Variants in ROBO1 observed in about 807,000 individuals in gnomAD.
The protein encoded by ROBO1 is roundabout guidance receptor 1, also known as roundabout homolog 1.
Under a neutral mutation model 195.9 loss-of-function variants are expected in ROBO1, and 149 were observed. That is an observed-to-expected ratio of 0.76 (90% confidence interval 0.67 to 0.87). ROBO1 has a LOEUF of 0.87. ROBO1 is among the 40% of genes least tolerant of loss of function. ROBO1 has a pLI of 0.00. For synonymous variants in ROBO1, 816 were observed against 733.2 expected (o/e 1.11, Z -1.82); for missense variants, 1,933 against 2,068.3 (o/e 0.93, Z 1.27).
chr3:78,931,823 A>C (rs2107650665), intron 4 of ROBO1, among the ~76,000 whole-genome samples: 1 of 152,114 alleles, frequency 6.6e-6, no homozygotes. Context: ...AACAAAACAA[A>C]ACAAATAGCC....
chr3:78,617,398 G>GT, intron 27 of ROBO1, among the ~76,000 whole-genome samples: 1 of 151,330 alleles, frequency 6.6e-6, no homozygotes, highest in Non-Finnish European at 1.5e-5. Flanking sequence ...CTCATATTAT[G>GT]TAAGATTTAT....
intron 3 of ROBO1, among the ~76,000 whole-genome samples, chr3:78,968,874 T>G (rs1560063150): frequency 6.6e-6 from 1 of 152,172 alleles, no homozygotes; most frequent in Non-Finnish European, 1.5e-5. Flanking sequence ...CAGGCACAAA[T>G]AGGCACCAGT....
chr3:78,694,411 A>C (rs759513067), intron 8 of ROBO1, among the ~76,000 whole-genome samples: 36 of 152,210 alleles, frequency 2.4e-4, no homozygotes, highest in Non-Finnish European at 3.8e-4. Flanking sequence ...TGGTACAGTT[A>C]TAAAGCAAAG....
intron 2 of ROBO1, among the ~76,000 whole-genome samples, chr3:79,323,912 AG>A (rs2034096662): frequency 6.6e-6 from 1 of 152,204 alleles, no homozygotes; most frequent in Non-Finnish European, 1.5e-5. Context: ...TTATTGCTTT[AG>A]TAAATCCTAA....
intron 17 of ROBO1, among the ~76,000 whole-genome samples, chr3:78,657,952 G>C (rs1575857093): frequency 6.6e-6 from 1 of 152,334 alleles, no homozygotes; most frequent in East Asian, 1.9e-4. Flanking sequence ...TTATCAATGA[G>C]AGACAATTTG....
chr3:78,947,919 C>A (rs1189366648), intron 3 of ROBO1, among the ~76,000 whole-genome samples: 1 of 152,120 alleles, frequency 6.6e-6, no homozygotes, highest in Non-Finnish European at 1.5e-5. Flanking sequence ...ACTAGAAAAT[C>A]TAGAAGAAAT....
intron 1 of ROBO1, among the ~76,000 whole-genome samples, chr3:79,713,419 G>A (rs1474061541): frequency 6.6e-6 from 1 of 152,054 alleles, no homozygotes; most frequent in Non-Finnish European, 1.5e-5. Context: ...TTAATTCATG[G>A]GAGAAGGTCA....
chr3:79,300,405 G>A (rs868581248), intron 2 of ROBO1, among the ~76,000 whole-genome samples: 67 of 152,298 alleles, frequency 4.4e-4, no homozygotes, highest in Admixed American at 1.8e-3. Context: ...CAGCAGTGCC[G>A]GCCCACCGGC....
intron 3 of ROBO1, among the ~76,000 whole-genome samples, chr3:78,958,685 T>C (rs1341892636): frequency 6.6e-6 from 1 of 152,146 alleles, no homozygotes; most frequent in African/African-American, 2.4e-5. Flanking sequence ...ACAGGAATCT[T>C]ATCCTACGTT....
chr3:78,765,706 C>G (rs77885329), intron 4 of ROBO1, among the ~76,000 whole-genome samples: 1 of 152,262 alleles, frequency 6.6e-6, no homozygotes, highest in African/African-American at 2.4e-5. Flanking sequence ...GCAAAGGGAT[C>G]CAGTCTCATT....
intron 1 of ROBO1, among the ~76,000 whole-genome samples, chr3:79,761,863 T>A (rs1034776038): frequency 6.6e-6 from 1 of 152,324 alleles, no homozygotes; most frequent in Non-Finnish European, 1.5e-5. Flanking sequence ...GCAATTGTTG[T>A]GATAAACTCC....
intron 28 of ROBO1, chr3:78,607,258 G>A: frequency 1.9e-6 from 1 of 533,768 alleles, no homozygotes; most frequent in Non-Finnish European, 3.3e-6. Context: ...TGTCATTCAG[G>A]CTACAGTGCA....
At chr3:78,998,831 C>A (rs2077428350) in intron 3 of ROBO1, among the ~76,000 whole-genome samples, 2 of 152,060 alleles carry the variant, frequency 1.3e-5, no homozygotes, top group Admixed American at 1.3e-4. Context: ...TTCTGTCCCA[C>A]CCTATTTTGG....
intron 2 of ROBO1, among the ~76,000 whole-genome samples, chr3:79,318,568 T>C (rs900178880): frequency 1.3e-5 from 2 of 152,186 alleles, no homozygotes; most frequent in Admixed American, 6.5e-5. Context: ...GCTAATTCTT[T>C]GATGAATTGA....
chr3:79,393,911 T>C (rs927745582), intron 2 of ROBO1, among the ~76,000 whole-genome samples: 9 of 152,014 alleles, frequency 5.9e-5, no homozygotes, highest in Admixed American at 3.9e-4. Flanking sequence ...AGGCTTATGA[T>C]AGAAACTTAA....
At position 79,224,789 on chromosome 3, in the gene ROBO1, C is replaced by T. The variant is rs2082196988; in HGVS notation, c.89-99250G>A. ...GAACCCTAAGGTGTTTCATGTGCTG[C>T]TCTAGATGCTGGTGATACCACTGTC... On this transcript the variant is annotated intron_variant, in intron 2 of 30. Transcript: ENST00000464233. Among the ~76,000 whole-genome samples, 3 of 152,224 alleles carry T rather than the reference C, an allele frequency of 2.0e-5. No homozygotes were observed. In the South Asian group the frequency reaches 6.2e-4, roughly 32 times the overall value.
chr3:79,329,377 G>T (rs1192654862), intron 2 of ROBO1, among the ~76,000 whole-genome samples: 1 of 152,130 alleles, frequency 6.6e-6, no homozygotes, highest in Non-Finnish European at 1.5e-5. Context: ...CTCATCGTGT[G>T]TGACTCATAA....
intron 1 of ROBO1, among the ~76,000 whole-genome samples, chr3:79,623,496 C>T (rs187618551): frequency 1.3e-5 from 2 of 152,226 alleles, no homozygotes; most frequent in East Asian, 3.9e-4. Flanking sequence ...TAAAGAGGAA[C>T]ATAAACAACC....
intron 4 of ROBO1, chr3:78,759,213 C>T (rs1245929847): frequency 6.5e-6 from 1 of 152,754 alleles, no homozygotes; most frequent in Non-Finnish European, 1.5e-5. Flanking sequence ...CCTGTTAAGG[C>T]TGATGACAAC....
Sources: gnomAD v4.1 joint callset for allele counts (sites outside exome capture counted in the v4.1 genomes callset) on GRCh38, gnomAD v4.1.1 for gene constraint, MANE v1.5 for transcripts, NCBI Gene and HGNC (gene_info 2026-07-23, HGNC 2026-07-21) for gene names.